Variants in XKR9 observed in about 807,000 individuals in gnomAD.
XKR9 encodes the protein XK-related protein 9.
Under a neutral mutation model 32.0 loss-of-function variants are expected in XKR9, and 32 were observed. The observed-to-expected ratio is 1.00, with a 90% CI of 0.76 to 1.34. XKR9 has a LOEUF of 1.34. Among genes scored for constraint, XKR9 ranks in the 40% most tolerant of loss-of-function variants. The pLI is 0.00. For missense variants in XKR9, 546 were observed against 429.7 expected (o/e 1.27, Z -2.39); for synonymous variants, 168 against 143.4 (o/e 1.17, Z -1.22).
At chr8:70,731,982 AT>A (rs1220683149) in intron 4 of XKR9, among the ~76,000 whole-genome samples, 1 of 152,082 alleles carries the variant, frequency 6.6e-6, no homozygotes, top group African/African-American at 2.4e-5. Flanking sequence ...TCTCCCTGAA[AT>A]TTTCCTGATT....
At chr8:70,829,077 C>A in the XKR9 span, among the ~76,000 whole-genome samples, 4 of 152,098 alleles carry the variant, frequency 2.6e-5, no homozygotes, top group Non-Finnish European at 5.9e-5. Flanking sequence ...TTTCTTTGGC[C>A]TTTATTGTCA....
chr8:70,848,130 G>T, the XKR9 span, among the ~76,000 whole-genome samples: 1 of 151,868 alleles, frequency 6.6e-6, no homozygotes, highest in Non-Finnish European at 1.5e-5. Flanking sequence ...TGATCAAGTG[G>T]GATTCATCCC....
the XKR9 span, among the ~76,000 whole-genome samples, chr8:70,835,030 C>T: frequency 6.6e-6 from 1 of 152,026 alleles, no homozygotes; most frequent in Admixed American, 6.6e-5. Flanking sequence ...TAGAGTTAAT[C>T]CTAATATGAT....
At chr8:70,683,471 A>C (rs1819153092) in intron 3 of XKR9, 1 of 431,588 alleles carries the variant, frequency 2.3e-6, no homozygotes, top group South Asian at 1.7e-5. Flanking sequence ...GAATCTCAGG[A>C]CTTCTACCTA....
intron 2 of XKR9, among the ~76,000 whole-genome samples, chr8:70,678,520 A>G (rs1818957980): frequency 6.6e-6 from 1 of 152,204 alleles, no homozygotes. Context: ...AGCACATGGT[A>G]GTTTCTAAGT....
the XKR9 span, among the ~76,000 whole-genome samples, chr8:70,950,438 G>T: frequency 6.6e-6 from 1 of 152,076 alleles, no homozygotes; most frequent in African/African-American, 2.4e-5. Context: ...ACGAGGTCCA[G>T]GCAGAAGTAG....
At chr8:71,017,719 G>GGAGCTCAT in the XKR9 span, among the ~76,000 whole-genome samples, 1 of 152,186 alleles carries the variant, frequency 6.6e-6, no homozygotes, top group Non-Finnish European at 1.5e-5. Context: ...CTCCCAAGGT[G>GGAGCTCAT]GAGCTCATGA....
chr8:70,967,065 CTT>C, the XKR9 span, among the ~76,000 whole-genome samples: 236 of 101,256 alleles, frequency 2.3e-3, 7 homozygotes, highest in African/African-American at 9.5e-3. Context: ...GATCTTGACT[CTT>C]TTTTTTTTTT....
the XKR9 span, among the ~76,000 whole-genome samples, chr8:70,925,396 C>A: frequency 5.3e-5 from 8 of 152,072 alleles, no homozygotes; most frequent in Admixed American, 6.6e-5. Context: ...TAGGAGGGAT[C>A]AGTTTTTTCA....
the XKR9 span, among the ~76,000 whole-genome samples, chr8:70,852,048 A>G: frequency 6.6e-6 from 1 of 152,250 alleles, no homozygotes; most frequent in African/African-American, 2.4e-5. Context: ...ACAAAGGTCT[A>G]ATATCCAGAA....
At chr8:70,958,217 A>G in the XKR9 span, among the ~76,000 whole-genome samples, 1 of 152,198 alleles carries the variant, frequency 6.6e-6, no homozygotes, top group African/African-American at 2.4e-5. Flanking sequence ...GTATATTCCC[A>G]ATAATGGGAT....
chr8:70,801,382 G>A, the XKR9 span, among the ~76,000 whole-genome samples: 4 of 152,052 alleles, frequency 2.6e-5, no homozygotes, highest in Non-Finnish European at 5.9e-5. Flanking sequence ...TGTTTTCATT[G>A]GTTTCAAATA....
the XKR9 span, among the ~76,000 whole-genome samples, chr8:70,872,211 C>A: frequency 6.6e-6 from 1 of 152,142 alleles, no homozygotes; most frequent in Non-Finnish European, 1.5e-5. Flanking sequence ...AGTGAAACAG[C>A]CTTATTGATT....
rs565115233 is a variant in XKR9 at position 70,769,360 on chromosome 8, G to A, written n.353-19979G>A. 6.5e-4 allele frequency among the ~76,000 whole-genome samples: 99 copies of A among 151,700 alleles called. 1 individual carries two copies. Among genetic ancestry groups the A allele is most frequent in the Middle Eastern group, 3.4e-3 (1 of 292 alleles). On this transcript the variant is annotated intron_variant and non_coding_transcript_variant, in intron 2 of 3. Coordinates refer to the XKR9 transcript ENST00000520273. ...GGTTATCTGACCTTTCTCTCTGGCT[G>A]CCCTTAACATTTTTTTCTTTGTTTC...
chr8:70,683,476 T>C, intron 3 of XKR9: 1 of 440,690 alleles, frequency 2.3e-6, no homozygotes, highest in South Asian at 1.6e-5. Context: ...TCAGGACTTC[T>C]ACCTAGAATT....
chr8:70,868,486 C>G, the XKR9 span, among the ~76,000 whole-genome samples: 38 of 151,316 alleles, frequency 2.5e-4, no homozygotes, highest in Middle Eastern at 3.5e-3. Flanking sequence ...CTTCCACCCT[C>G]TGAAGCTATG....
At chr8:70,804,173 A>T in the XKR9 span, among the ~76,000 whole-genome samples, 1 of 152,240 alleles carries the variant, frequency 6.6e-6, no homozygotes, top group Non-Finnish European at 1.5e-5. Context: ...TTCACACAGA[A>T]GCAGAACTGC....
downstream of XKR9, among the ~76,000 whole-genome samples, chr8:70,739,834 T>C (rs1806938436): frequency 6.6e-6 from 1 of 152,242 alleles, no homozygotes; most frequent in Admixed American, 6.5e-5. Flanking sequence ...TGCCGAGAGA[T>C]CCGCCGTTGG....
At chr8:70,793,693 A>G (rs1807793784), downstream of XKR9, among the ~76,000 whole-genome samples, 1 of 152,156 alleles carries the variant, frequency 6.6e-6, no homozygotes, top group African/African-American at 2.4e-5. Flanking sequence ...TGGACTTACA[A>G]TTATAATCCA....
Sources: gnomAD v4.1 joint callset for allele counts (sites outside exome capture counted in the v4.1 genomes callset) on GRCh38, gnomAD v4.1.1 for gene constraint, MANE v1.5 for transcripts, NCBI Gene and HGNC (gene_info 2026-07-23, HGNC 2026-07-21) for gene names.